SLC39A10: variants seen among roughly 807,000 people sequenced by gnomAD.
SLC39A10 encodes the protein zinc transporter ZIP10.
In SLC39A10, 13 loss-of-function variants were observed where a neutral mutation model predicts 65.1. The ratio of observed to expected loss-of-function variants is 0.20; its 90% CI spans 0.13 to 0.32. The LOEUF is 0.32. Ranked by LOEUF, SLC39A10 falls within the 10% of genes least tolerant of loss-of-function variation. The pLI, the probability that SLC39A10 is intolerant of heterozygous loss-of-function variation, is 1.00. For missense variants in SLC39A10, 831 were observed against 1,018.4 expected (o/e 0.82, Z 2.50); for synonymous variants, 321 against 342.2 (o/e 0.94, Z 0.68).
At chr2:195,718,226 C>CT in intron 7 of SLC39A10, 26 bp from the exon 8 acceptor site, 3 of 1,587,716 alleles carry the variant, frequency 1.9e-6, no homozygotes, top group Non-Finnish European at 2.6e-6. Flanking sequence ...GCAAACCTCA[C>CT]TTGTTTTTTT....
chr2:195,695,890 CTT>C (rs1690937637), intron 3 of SLC39A10, among the ~76,000 whole-genome samples: 1 of 152,064 alleles, frequency 6.6e-6, no homozygotes, highest in African/African-American at 2.4e-5. Context: ...GCCCAGTTTT[CTT>C]CTAAGAGTTT....
chr2:195,686,923 G>A (rs1690547916), intron 3 of SLC39A10, among the ~76,000 whole-genome samples: 1 of 152,180 alleles, frequency 6.6e-6, no homozygotes, highest in South Asian at 2.1e-4. Flanking sequence ...ATTTTTAGTA[G>A]TATTTTGACA....
chr2:195,660,411 C>G (rs1689344455), intron 1 of SLC39A10, among the ~76,000 whole-genome samples: 1 of 152,184 alleles, frequency 6.6e-6, no homozygotes, highest in African/African-American at 2.4e-5. Context: ...GTGTAATTCT[C>G]ATTAAAAATA....
At chr2:195,733,579 G>A (rs919973380) in intron 9 of SLC39A10, among the ~76,000 whole-genome samples, 3 of 151,760 alleles carry the variant, frequency 2.0e-5, no homozygotes, top group East Asian at 1.9e-4. Context: ...TGCCCAGGAC[G>A]GAGTACAGTG....
intron 2 of SLC39A10, among the ~76,000 whole-genome samples, chr2:195,631,787 T>C (rs1035501901): frequency 3.3e-5 from 5 of 152,250 alleles, no homozygotes; most frequent in Non-Finnish European, 7.3e-5. Context: ...ATTATCTTTA[T>C]AGCACAATTG....
Position 195,617,139 on chromosome 2 carries a change from C to T in SLC39A10, c.-12+10906C>T, listed in dbSNP as rs1328086045. On this transcript the variant is annotated intron_variant, in intron 2 of 2. Coordinates refer to the SLC39A10 transcript ENST00000458054. Reference sequence around the variant, plus strand: ...TCGATAGTGCATTATAGGACATTTACAGCTCCACCTTTTTACTTTTAAGTA... The same window carrying T: ...TCGATAGTGCATTATAGGACATTTATAGCTCCACCTTTTTACTTTTAAGTA... Among the ~76,000 whole-genome samples, 117 of 152,316 alleles carry T rather than the reference C, an allele frequency of 7.7e-4. 1 individual carries two copies. The highest frequency in any genetic ancestry group is 1.6e-4 in the Non-Finnish European group (11 of 68,036).
At chr2:195,642,150 G>T (rs1037035075) in intron 2 of SLC39A10, among the ~76,000 whole-genome samples, 2 of 152,198 alleles carry the variant, frequency 1.3e-5, no homozygotes, top group Admixed American at 6.5e-5. Context: ...TCAAATTAGT[G>T]ATGACTCTAA....
In SLC39A10 at chr2:195,657,271, T is replaced by G; in HGVS notation, c.-22T>G. 1 of 483,334 alleles carries G rather than the reference T, an allele frequency of 2.1e-6. No individual in the cohort carries two copies. Among genetic ancestry groups the G allele is most frequent in the Non-Finnish European group, 2.7e-6 (1 of 371,138 alleles). 29.9% of individuals were successfully genotyped at this position (483,334 alleles called of 1,614,324 possible). A position where few individuals can be genotyped will look rare whatever the true frequency, so the allele number is the denominator to read the frequency against. ...AGCGGAGAGGAGATGCACACGGCAC[T>G]CGAGTGTGAGGTAACTATAAAACCC... On this transcript the variant is annotated 5_prime_UTR_variant, in exon 1 of 10. Coordinates refer to ENST00000359634, the MANE Select transcript of SLC39A10 (RefSeq NM_020342.3).
chr2:195,670,395 T>C (rs969185763), intron 1 of SLC39A10: 34 of 152,166 alleles, frequency 2.2e-4, no homozygotes, highest in African/African-American at 8.2e-4. Flanking sequence ...ATTTCACAAA[T>C]TTGCATGTTA....
chr2:195,706,931 C>T (rs1373700305), intron 4 of SLC39A10, 146 bp downstream of exon 4: 12 of 544,466 alleles, frequency 2.2e-5, no homozygotes, highest in Non-Finnish European at 1.7e-5. Context: ...TCTCCATTTT[C>T]AGAGTTTTAA....
intron 8 of SLC39A10, among the ~76,000 whole-genome samples, chr2:195,721,242 G>A (rs1366524383): frequency 6.6e-6 from 1 of 152,110 alleles, no homozygotes; most frequent in Non-Finnish European, 1.5e-5. Context: ...GCCCAGCTAT[G>A]AGTCACACTT....
chr2:195,664,382 A>T (rs949575796), intron 1 of SLC39A10, among the ~76,000 whole-genome samples: 7 of 152,196 alleles, frequency 4.6e-5, no homozygotes, highest in African/African-American at 1.7e-4. Flanking sequence ...AAAAATAAGA[A>T]AATATACACT....
chr2:195,682,480 T>C (rs1010369356), intron 2 of SLC39A10, among the ~76,000 whole-genome samples: 3 of 150,448 alleles, frequency 2.0e-5, no homozygotes, highest in African/African-American at 7.3e-5. Flanking sequence ...TTTGTAAAGA[T>C]GGGGTCTCAC....
At chr2:195,733,271 T>C (rs36006688) in intron 9 of SLC39A10, among the ~76,000 whole-genome samples, 1 of 152,224 alleles carries the variant, frequency 6.6e-6, no homozygotes, top group Non-Finnish European at 1.5e-5. Flanking sequence ...CAGTGTCATC[T>C]TTCTGTAGAT....
chr2:195,650,837 T>C (rs903846525), intron 2 of SLC39A10, among the ~76,000 whole-genome samples: 3 of 152,014 alleles, frequency 2.0e-5, no homozygotes, highest in African/African-American at 7.3e-5. Flanking sequence ...CCTGCCTTCG[T>C]GTGCCCATCT....
intron 9 of SLC39A10, among the ~76,000 whole-genome samples, chr2:195,732,492 G>A (rs1203415329): frequency 6.6e-6 from 1 of 152,136 alleles, no homozygotes; most frequent in East Asian, 1.9e-4. Flanking sequence ...AACAGTGTGG[G>A]TGTTGACATT....
intron 1 of SLC39A10, among the ~76,000 whole-genome samples, chr2:195,676,222 C>G (rs1278282482): frequency 6.6e-6 from 1 of 151,928 alleles, no homozygotes; most frequent in Non-Finnish European, 1.5e-5. Context: ...TGCTGTGTCT[C>G]CCAGGCTGGC....
intron 2 of SLC39A10, among the ~76,000 whole-genome samples, chr2:195,637,021 A>G (rs1391495191): frequency 1.3e-5 from 2 of 152,210 alleles, no homozygotes; most frequent in African/African-American, 2.4e-5. Context: ...AGTCTCAACT[A>G]AAAGCAGGAT....
chr2:195,669,573 TTTGTCATGTTAACC>T (rs1689770388), intron 1 of SLC39A10, among the ~76,000 whole-genome samples: 1 of 152,222 alleles, frequency 6.6e-6, no homozygotes, highest in Non-Finnish European at 1.5e-5. Context: ...TGTAGGAAGA[TTTGTCATGTTAACC>T]ATTTGTATAT....
Sources: allele counts gnomAD v4.1 joint callset (sites outside exome capture counted in the v4.1 genomes callset), GRCh38; gene constraint gnomAD v4.1.1; transcripts MANE v1.5; gene names NCBI Gene and HGNC (gene_info 2026-07-23, HGNC 2026-07-21).